COL25A1: variants seen among roughly 807,000 people sequenced by gnomAD.
COL25A1 encodes collagen alpha-1(XXV) chain.
In COL25A1, 103 loss-of-function variants were observed where a neutral mutation model predicts 128.4. The ratio of observed to expected loss-of-function variants is 0.80; its 90% CI spans 0.68 to 0.94. The LOEUF is 0.94. Ranked by LOEUF, COL25A1 falls within the 40% of genes least tolerant of loss-of-function variation. COL25A1 has a pLI of 0.00. For synonymous variants in COL25A1, 279 were observed against 277.2 expected, an observed-to-expected ratio of 1.01 and a Z score of -0.06; for missense variants, 745 against 840.0, an observed-to-expected ratio of 0.89 and a Z score of 1.40.
At chr4:109,060,243 T>C (rs1288308669) in intron 3 of COL25A1, among the ~76,000 whole-genome samples, 2 of 152,204 alleles carry the variant, frequency 1.3e-5, no homozygotes, top group Non-Finnish European at 2.9e-5. Flanking sequence ...AGGCAAGTGC[T>C]ACTTAGGAGA....
intron 11 of COL25A1, among the ~76,000 whole-genome samples, chr4:108,921,300 T>C (rs568238205): frequency 2.0e-5 from 3 of 152,298 alleles, no homozygotes; most frequent in African/African-American, 4.8e-5. Context: ...GATTTAGCAG[T>C]TTTTCAACCA....
intron 3 of COL25A1, among the ~76,000 whole-genome samples, chr4:109,209,653 T>C (rs904761554): frequency 6.6e-6 from 1 of 152,154 alleles, no homozygotes; most frequent in African/African-American, 2.4e-5. Context: ...ATCTTTGAAA[T>C]ACAGACTATT....
rs1417484209 is a variant in COL25A1 at position 108,827,176 on chromosome 4, C to T, written c.1723G>A (p.Ala575Thr). The change falls in exon 33 of 38, where the codon GCT (alanine) becomes ACT (threonine). Residue 575 changes from alanine to threonine, a missense_variant. Transcript: ENST00000399132. ...CCTCTTGGTCCAGGCTCTCCCATAG[C>T]TCCTTTTTCACCCTAAAATGAAAAG... ...GPKGERGEKG[A>T]MGEPGPRGPY... 1 of 1,613,942 alleles carries T rather than the reference C, an allele frequency of 6.2e-7. No homozygotes were observed. The highest frequency in any genetic ancestry group is 1.7e-5 in the Admixed American group (1 of 59,998).
intron 11 of COL25A1, among the ~76,000 whole-genome samples, chr4:108,937,519 A>C (rs1747570227): frequency 6.6e-6 from 1 of 152,136 alleles, no homozygotes; most frequent in African/African-American, 2.4e-5. Flanking sequence ...ATGCCCCTAA[A>C]TTTAATCTCT....
intron 3 of COL25A1, among the ~76,000 whole-genome samples, chr4:109,196,553 A>G (rs113629239): frequency 3.0e-4 from 46 of 152,316 alleles, no homozygotes; most frequent in African/African-American, 1.1e-3. Flanking sequence ...AATTCCATAC[A>G]ACAATCTGAC....
At chr4:109,046,316 G>T (rs948130614) in intron 5 of COL25A1, among the ~76,000 whole-genome samples, 7 of 152,118 alleles carry the variant, frequency 4.6e-5, no homozygotes, top group African/African-American at 1.7e-4. Flanking sequence ...ACATCTTTAG[G>T]TAGAAAATTT....
At chr4:109,187,200 TACACAC>T (rs36159924) in intron 3 of COL25A1, among the ~76,000 whole-genome samples, 2,450 of 147,894 alleles carry the variant, frequency 0.017, 50 homozygotes, top group African/African-American at 0.05. Context: ...TCTTGCTCTC[TACACAC>T]ACACACACAC....
chr4:109,253,300 C>T (rs754718332), intron 3 of COL25A1, among the ~76,000 whole-genome samples: 18 of 152,268 alleles, frequency 1.2e-4, no homozygotes, highest in Non-Finnish European at 2.5e-4. Context: ...GGTAGAGACC[C>T]AGGAGAGTTG....
intron 5 of COL25A1, among the ~76,000 whole-genome samples, chr4:109,021,311 G>C (rs138359640): frequency 1.1e-3 from 160 of 152,350 alleles, no homozygotes; most frequent in African/African-American, 3.6e-3. Flanking sequence ...TTTCACTGTT[G>C]CGGGAAGTCA....
At chr4:109,043,126 T>C (rs964268748) in intron 5 of COL25A1, among the ~76,000 whole-genome samples, 2 of 141,294 alleles carry the variant, frequency 1.4e-5, no homozygotes, top group Admixed American at 7.2e-5. Context: ...CCCTTCTCTG[T>C]AAAATAGGTA....
chr4:109,261,699 TTTTC>T (rs1358647381), intron 3 of COL25A1, among the ~76,000 whole-genome samples: 1 of 140,564 alleles, frequency 7.1e-6, no homozygotes, highest in African/African-American at 2.5e-5. Context: ...ATAATTTCTT[TTTTC>T]TTTTTTTTTT....
At chr4:108,950,086 T>C (rs944907743) in intron 8 of COL25A1, among the ~76,000 whole-genome samples, 3 of 152,192 alleles carry the variant, frequency 2.0e-5, no homozygotes, top group Non-Finnish European at 4.4e-5. Context: ...TCTTTTCCTC[T>C]TGTATTTTTT....
intron 3 of COL25A1, among the ~76,000 whole-genome samples, chr4:109,154,125 TA>T (rs1465574672): frequency 6.6e-6 from 1 of 152,236 alleles, no homozygotes; most frequent in Admixed American, 6.5e-5. Flanking sequence ...AAATCTAGGC[TA>T]AACATCCTTT....
At chr4:108,925,577 T>C (rs2125907166) in intron 11 of COL25A1, among the ~76,000 whole-genome samples, 1 of 152,332 alleles carries the variant, frequency 6.6e-6, no homozygotes, top group East Asian at 1.9e-4. Flanking sequence ...GTGTATGGCC[T>C]TGTAGGTGCT....
At chr4:109,056,629 CA>C (rs1761470536) in intron 3 of COL25A1, among the ~76,000 whole-genome samples, 1 of 117,762 alleles carries the variant, frequency 8.5e-6, no homozygotes, top group Non-Finnish European at 1.6e-5. Flanking sequence ...ATGGAAGGTA[CA>C]AAAAGATTAA....
chr4:108,962,741 A>AT (rs112942992), intron 8 of COL25A1, among the ~76,000 whole-genome samples: 111,467 of 151,876 alleles, frequency 0.73, 41,498 homozygotes, highest in East Asian at 1. Context: ...TATTATTACT[A>AT]TTGTCTATGT....
Position 108,813,438 on chromosome 4 carries a change from T to G in COL25A1, c.*489A>C, listed in dbSNP as rs1384003453. 6.5e-6 allele frequency: 1 copy of G among 153,580 alleles called. No homozygotes were observed. The highest frequency in any genetic ancestry group is 6.5e-5 in the Admixed American group (1 of 15,482). The allele number at this position is 153,580 out of a possible 1,614,324, so 9.5% of individuals were successfully genotyped here. Reference sequence around the variant, plus strand: ...AGGTTTGGCACACAGTCATGCTTTTTTAGTTAGTTTCAATGGGTGGTGTAG... The same window carrying G: ...AGGTTTGGCACACAGTCATGCTTTTGTAGTTAGTTTCAATGGGTGGTGTAG... On this transcript the variant is annotated 3_prime_UTR_variant, in exon 38 of 38. Coordinates refer to ENST00000399132, the MANE Select transcript of COL25A1 (RefSeq NM_198721.4).
At chr4:108,850,871 G>A (rs1358597247) in intron 26 of COL25A1, among the ~76,000 whole-genome samples, 1 of 152,058 alleles carries the variant, frequency 6.6e-6, no homozygotes, top group Non-Finnish European at 1.5e-5. Context: ...TTACCTAGGA[G>A]GTCCTTTTTG....
intron 32 of COL25A1, among the ~76,000 whole-genome samples, chr4:108,830,239 C>A (rs1436873732): frequency 6.6e-6 from 1 of 152,106 alleles, no homozygotes; most frequent in Non-Finnish European, 1.5e-5. Flanking sequence ...TTATAGAGTT[C>A]CAAAGCCAAA....
Sources: allele counts gnomAD v4.1 joint callset (sites outside exome capture counted in the v4.1 genomes callset), GRCh38; gene constraint gnomAD v4.1.1; transcripts MANE v1.5; gene names NCBI Gene and HGNC (gene_info 2026-07-23, HGNC 2026-07-21).